The following PDE1C variants were observed in gnomAD, a reference collection of about 807,000 sequenced individuals.
PDE1C encodes phosphodiesterase 1C, also known as dual specificity calcium/calmodulin-dependent 3',5'-cyclic nucleotide phosphodiesterase 1C.
Under a neutral mutation model 93.1 loss-of-function variants are expected in PDE1C, and 62 were observed. That is an observed-to-expected ratio of 0.67 (90% CI 0.54 to 0.82). The LOEUF (loss-of-function observed/expected upper bound fraction) is 0.82, where lower values mean the gene tolerates loss of function less well. PDE1C is among the 40% of genes least tolerant of loss of function. PDE1C has a pLI of 0.00. For synonymous variants in PDE1C, 325 were observed against 310.1 expected, an observed-to-expected ratio of 1.05 and a Z score of -0.50; for missense variants, 742 against 884.6, an observed-to-expected ratio of 0.84 and a Z score of 2.04.
At chr7:31,642,249 G>GC in the PDE1C span, 1 of 1,551,520 alleles carries the variant, frequency 6.4e-7, no homozygotes, top group Non-Finnish European at 8.7e-7. Flanking sequence ...TGGAACCGCT[G>GC]CCCCTCCAGG....
intron 1 of PDE1C, among the ~76,000 whole-genome samples, chr7:32,339,230 A>G (rs1362480434): frequency 2.0e-5 from 3 of 152,210 alleles, no homozygotes; most frequent in Non-Finnish European, 2.9e-5. Context: ...CAGTATTTAA[A>G]AAATTTTTAG....
Position 32,135,722 on chromosome 7 carries a change from G to A in PDE1C, c.308+34063C>T, listed in dbSNP as rs1006004808. Among the ~76,000 whole-genome samples the A allele has an allele frequency of 1.6e-4, 24 of 152,214 alleles. 1 individual carries two copies. Among genetic ancestry groups the A allele is most frequent in the Admixed American group, 9.2e-4 (14 of 15,290 alleles). On this transcript the variant is annotated intron_variant, in intron 3 of 18. Coordinates refer to the PDE1C transcript ENST00000396193. ...GTATAGAGGTTCCTCAAAAAATTAA[G>A]AATAGAACTACCACATAACCCAGCA...
chr7:31,696,644 C>CACCT, the PDE1C span, among the ~76,000 whole-genome samples: 3 of 152,170 alleles, frequency 2.0e-5, no homozygotes, highest in African/African-American at 7.2e-5. Context: ...TGCTCTGTGA[C>CACCT]ACCTATGAGC....
chr7:31,931,336 A>C (rs1300226294), intron 2 of PDE1C, among the ~76,000 whole-genome samples: 2 of 152,186 alleles, frequency 1.3e-5, no homozygotes, highest in Non-Finnish European at 2.9e-5. Context: ...TATTTAGAAA[A>C]CTGCATTGTC....
At chr7:32,168,870 TA>T (rs1481584434) in intron 3 of PDE1C, among the ~76,000 whole-genome samples, 7 of 152,158 alleles carry the variant, frequency 4.6e-5, no homozygotes, top group Admixed American at 3.3e-4. Flanking sequence ...AAAGAGAGTA[TA>T]TTTTTCAAAT....
chr7:32,092,704 G>C (rs926124273), intron 3 of PDE1C, among the ~76,000 whole-genome samples: 1 of 152,080 alleles, frequency 6.6e-6, no homozygotes, highest in African/African-American at 2.4e-5. Context: ...TTGCTTTCAG[G>C]GCTTGCCTTT....
At chr7:32,286,993 G>T (rs1255065892) in intron 1 of PDE1C, among the ~76,000 whole-genome samples, 1 of 152,186 alleles carries the variant, frequency 6.6e-6, no homozygotes, top group African/African-American at 2.4e-5. Context: ...TGCCTGGTTT[G>T]TTTGAAAGAG....
At chr7:32,278,276 A>G (rs1811418893) in intron 1 of PDE1C, among the ~76,000 whole-genome samples, 1 of 152,210 alleles carries the variant, frequency 6.6e-6, no homozygotes, top group Admixed American at 6.5e-5. Context: ...TCCAAGTTCT[A>G]GTAGAATATA....
At chr7:32,387,999 C>T (rs568496470) in intron 1 of PDE1C, among the ~76,000 whole-genome samples, 98 of 152,304 alleles carry the variant, frequency 6.4e-4, no homozygotes, top group African/African-American at 2.1e-3. Context: ...AAATGACCAT[C>T]GTATATTAAT....
intron 16 of PDE1C, among the ~76,000 whole-genome samples, chr7:31,783,255 T>G (rs569482972): frequency 6.6e-6 from 1 of 152,244 alleles, no homozygotes; most frequent in Non-Finnish European, 1.5e-5. Context: ...AGATTTCTTA[T>G]GCCTCTGATA....
Position 31,835,401 on chromosome 7 carries a change from C to G in PDE1C, c.1203+1779G>C, listed in dbSNP as rs555166209. Among the ~76,000 whole-genome samples the G allele has an allele frequency of 1.1e-4, 16 of 152,200 alleles. No individual in the cohort carries two copies. In the South Asian group the frequency reaches 2.7e-3, roughly 26 times the overall value. On this transcript the variant is annotated intron_variant, in intron 11 of 17. Coordinates refer to ENST00000396191, the MANE Select transcript of PDE1C (RefSeq NM_001191057.4). ...TCACCTGTATAGTTCTAGTTCCCCC[C>G]ACACCATGGAGTCCCCTTTGAGAAT...
At chr7:31,929,242 C>A (rs1431556583) in intron 2 of PDE1C, among the ~76,000 whole-genome samples, 1 of 152,094 alleles carries the variant, frequency 6.6e-6, no homozygotes, top group African/African-American at 2.4e-5. Context: ...AGCTAACTAT[C>A]CTAAATATAT....
intron 17 of PDE1C, among the ~76,000 whole-genome samples, chr7:31,774,366 T>C (rs1370971017): frequency 6.6e-6 from 1 of 152,184 alleles, no homozygotes; most frequent in Non-Finnish European, 1.5e-5. Context: ...AGCAAATCAG[T>C]AAAATATTGA....
intron 2 of PDE1C, among the ~76,000 whole-genome samples, chr7:31,952,752 C>T (rs1307870857): frequency 1.3e-5 from 2 of 151,988 alleles, no homozygotes; most frequent in African/African-American, 2.4e-5. Context: ...AATGAGATGC[C>T]GCATGTGAAT....
chr7:32,100,035 AT>A (rs1299969159), intron 3 of PDE1C, among the ~76,000 whole-genome samples: 1 of 152,056 alleles, frequency 6.6e-6, no homozygotes, highest in Non-Finnish European at 1.5e-5. Context: ...GAAAAAAAGC[AT>A]TTTTTGGTAA....
At chr7:32,083,558 C>A (rs1224286757) in intron 3 of PDE1C, among the ~76,000 whole-genome samples, 1 of 152,042 alleles carries the variant, frequency 6.6e-6, no homozygotes, top group Non-Finnish European at 1.5e-5. Flanking sequence ...GTCAGATTCA[C>A]CAAAGTTGAA....
the PDE1C span, among the ~76,000 whole-genome samples, chr7:31,702,626 A>G: frequency 6.6e-6 from 1 of 152,108 alleles, no homozygotes; most frequent in African/African-American, 2.4e-5. Flanking sequence ...CTCTTTTAGT[A>G]TTGTCTTTAT....
At chr7:31,924,154 C>CT (rs540024611) in intron 2 of PDE1C, among the ~76,000 whole-genome samples, 2 of 152,068 alleles carry the variant, frequency 1.3e-5, no homozygotes, top group African/African-American at 4.8e-5. Context: ...GGGACCTGCT[C>CT]TTTTTTTAAG....
At chr7:31,846,729 T>G (rs1792665275) in intron 9 of PDE1C, among the ~76,000 whole-genome samples, 1 of 152,066 alleles carries the variant, frequency 6.6e-6, no homozygotes, top group African/African-American at 2.4e-5. Flanking sequence ...TAATCAAACC[T>G]TTTATTATAA....
Sources: allele counts gnomAD v4.1 joint callset (sites outside exome capture counted in the v4.1 genomes callset), GRCh38; gene constraint gnomAD v4.1.1; transcripts MANE v1.5; gene names NCBI Gene and HGNC (gene_info 2026-07-23, HGNC 2026-07-21).